Variants in ST6GALNAC3 observed in about 807,000 individuals in gnomAD.
The protein encoded by ST6GALNAC3 is alpha-N-acetylgalactosaminide alpha-2,6-sialyltransferase 3.
A neutral mutation model predicts 32.7 loss-of-function variants in ST6GALNAC3; 25 were observed. That is an observed-to-expected ratio of 0.76 (90% CI 0.56 to 1.07). ST6GALNAC3 has a LOEUF of 1.07. ST6GALNAC3 is among the 50% of genes least tolerant of loss of function. The pLI is 0.00. For missense variants in ST6GALNAC3, 355 were observed against 382.4 expected, an observed-to-expected ratio of 0.93 and a Z score of 0.60; for synonymous variants, 129 against 133.1, an observed-to-expected ratio of 0.97 and a Z score of 0.21.
In ST6GALNAC3 at chr1:76,075,892, G is replaced by T. The variant is rs148602507; in HGVS notation, c.18+1008G>T. Among the ~76,000 whole-genome samples the T allele has an allele frequency of 6.6e-5, 10 of 152,304 alleles. No homozygotes were observed. In the East Asian group the frequency reaches 9.6e-4, roughly 15 times the overall value. ...AACAATTCGTTGTTGTTGTGTTATT[G>T]TGAAGTAGCATTTATTTCTCTATAA... On this transcript the variant is annotated intron_variant, in intron 1 of 4. Transcript: ENST00000328299.
At chr1:76,547,337 C>T (rs1426088984) in intron 3 of ST6GALNAC3, among the ~76,000 whole-genome samples, 1 of 152,210 alleles carries the variant, frequency 6.6e-6, no homozygotes, top group South Asian at 2.1e-4. Flanking sequence ...TTGTTCAAGT[C>T]ATACTCTTCA....
At chr1:76,542,440 TAA>T (rs1208847389) in intron 3 of ST6GALNAC3, among the ~76,000 whole-genome samples, 1 of 152,168 alleles carries the variant, frequency 6.6e-6, no homozygotes, top group African/African-American at 2.4e-5. Context: ...TTATGACTAT[TAA>T]TAATTCATGC....
intron 3 of ST6GALNAC3, among the ~76,000 whole-genome samples, chr1:76,432,443 CTTTTTTTTTTTT>C (rs35527607): frequency 3.0e-4 from 17 of 57,188 alleles, no homozygotes; most frequent in Admixed American, 2.0e-3. Context: ...CCTTTATTGC[CTTTTTTTTTTTT>C]TTTTTTTTTT....
At position 76,283,469 on chromosome 1, in the gene ST6GALNAC3, C is replaced by A. The variant is rs377114452; in HGVS notation, c.19-30336C>A. ...CATGAGCAGGACCCTCAAGAGCCAA[C>A]CTGTGTTTTTTGTCTCATTAACTTG... On this transcript the variant is annotated intron_variant, in intron 1 of 4. Coordinates refer to ENST00000328299, the MANE Select transcript of ST6GALNAC3 (RefSeq NM_152996.4). Among the ~76,000 whole-genome samples the A allele has an allele frequency of 1.6e-3, 239 of 152,164 alleles. 1 individual carries two copies. The Middle Eastern group carries it at 0.02, about 13-fold the overall frequency.
At chr1:76,227,647 A>G (rs1372025158) in intron 1 of ST6GALNAC3, among the ~76,000 whole-genome samples, 1 of 152,220 alleles carries the variant, frequency 6.6e-6, no homozygotes, top group Non-Finnish European at 1.5e-5. Context: ...ATGTATTTTA[A>G]CAATAGTTTA....
chr1:76,122,992 G>C (rs1156617573), intron 1 of ST6GALNAC3, among the ~76,000 whole-genome samples: 1 of 152,206 alleles, frequency 6.6e-6, no homozygotes, highest in Non-Finnish European at 1.5e-5. Flanking sequence ...TAGAAATGCA[G>C]AATCTCAGGA....
chr1:76,294,050 G>A (rs1445397784), intron 1 of ST6GALNAC3, among the ~76,000 whole-genome samples: 2 of 152,200 alleles, frequency 1.3e-5, no homozygotes, highest in East Asian at 1.9e-4. Flanking sequence ...TCTTTTTAAC[G>A]AGGGACTATA....
intron 1 of ST6GALNAC3, among the ~76,000 whole-genome samples, chr1:76,133,296 G>T (rs1049872905): frequency 6.6e-6 from 1 of 152,148 alleles, no homozygotes; most frequent in Non-Finnish European, 1.5e-5. Context: ...GGCATTGTTG[G>T]AAAATGGATC....
intron 3 of ST6GALNAC3, among the ~76,000 whole-genome samples, chr1:76,424,131 T>A (rs1311750496): frequency 2.0e-5 from 3 of 151,940 alleles, no homozygotes; most frequent in Non-Finnish European, 4.4e-5. Flanking sequence ...GCAAACACAG[T>A]TGGTTTTATT....
intron 3 of ST6GALNAC3, among the ~76,000 whole-genome samples, chr1:76,491,873 C>T (rs1349131480): frequency 2.0e-5 from 3 of 152,176 alleles, no homozygotes; most frequent in Admixed American, 6.5e-5. Context: ...GAATTGTCTA[C>T]AAGCCATGTA....
intron 1 of ST6GALNAC3, among the ~76,000 whole-genome samples, chr1:76,175,921 C>T (rs1652821204): frequency 1.3e-5 from 2 of 152,250 alleles, no homozygotes; most frequent in Middle Eastern, 3.4e-3. Context: ...GGACACAAAC[C>T]TATTGGTCAT....
intron 3 of ST6GALNAC3, among the ~76,000 whole-genome samples, chr1:76,435,613 G>T (rs897727914): frequency 3.3e-5 from 5 of 152,106 alleles, no homozygotes; most frequent in Admixed American, 6.5e-5. Flanking sequence ...TCTGAATAAT[G>T]TTATTTGGGC....
chr1:76,284,758 G>A (rs1659685713), intron 1 of ST6GALNAC3, among the ~76,000 whole-genome samples: 1 of 152,028 alleles, frequency 6.6e-6, no homozygotes, highest in African/African-American at 2.4e-5. Context: ...CTATTGTTAA[G>A]GATTCTCATA....
intron 1 of ST6GALNAC3, among the ~76,000 whole-genome samples, chr1:76,118,990 T>C (rs767342968): frequency 6.6e-6 from 1 of 152,156 alleles, no homozygotes; most frequent in Non-Finnish European, 1.5e-5. Flanking sequence ...GCCCAGCTAA[T>C]TTTTGTATTT....
At chr1:76,449,274 T>C (rs968974285) in intron 3 of ST6GALNAC3, among the ~76,000 whole-genome samples, 1 of 152,244 alleles carries the variant, frequency 6.6e-6, no homozygotes, top group African/African-American at 2.4e-5. Flanking sequence ...TTTTTATCAC[T>C]GAGCAGTATT....
At chr1:76,214,218 C>T (rs1163516469) in intron 1 of ST6GALNAC3, among the ~76,000 whole-genome samples, 6 of 151,966 alleles carry the variant, frequency 3.9e-5, no homozygotes, top group African/African-American at 1.4e-4. Flanking sequence ...TCACACTAGC[C>T]ACATTTCAAG....
intron 1 of ST6GALNAC3, 89 bp downstream of exon 1, chr1:76,074,973 C>T: frequency 6.7e-7 from 1 of 1,484,998 alleles, no homozygotes; most frequent in African/African-American, 1.4e-5. Context: ...CCACCGCATC[C>T]TCATCTCAGT....
intron 1 of ST6GALNAC3, among the ~76,000 whole-genome samples, chr1:76,167,330 C>T (rs1225610801): frequency 3.3e-5 from 5 of 152,194 alleles, no homozygotes; most frequent in Non-Finnish European, 7.3e-5. Context: ...ACCAACCTTG[C>T]ATCCCAGGGA....
intron 3 of ST6GALNAC3, among the ~76,000 whole-genome samples, chr1:76,417,973 A>G (rs575666922): frequency 7.9e-5 from 12 of 152,318 alleles, no homozygotes; most frequent in African/African-American, 2.9e-4. Context: ...ATTTCTAAAA[A>G]CATAAAATGG....
Sources: allele counts gnomAD v4.1 joint callset (sites outside exome capture counted in the v4.1 genomes callset), GRCh38; gene constraint gnomAD v4.1.1; transcripts MANE v1.5; gene names NCBI Gene and HGNC (gene_info 2026-07-23, HGNC 2026-07-21).